TRIM10: variants seen among roughly 807,000 people sequenced by gnomAD.
The protein encoded by TRIM10 is tripartite motif containing 10.
A neutral mutation model predicts 40.0 loss-of-function variants in TRIM10; 42 were observed. That is an observed-to-expected ratio of 1.05 (90% CI 0.82 to 1.36). TRIM10 has a LOEUF of 1.36. Among genes scored for constraint, TRIM10 ranks in the 40% most tolerant of loss-of-function variants. The pLI is 0.00. For missense variants in TRIM10, 601 were observed against 608.3 expected (o/e 0.99, Z 0.13); for synonymous variants, 260 against 239.5 (o/e 1.09, Z -0.79).
Position 30,153,988 on chromosome 6 carries a change from C to T in TRIM10, c.1427G>A (p.Ser476Asn), listed in dbSNP as rs1772260461. ...TCCTTCTCAGGAGCTCAGGGAGAAA[C>T]TGGACCCTCGGCCCCAGAGCCCAAA... ...PFFGLWGRGS[S>N]FSLSS The change falls in exon 7 of 7, where the codon AGT (serine) becomes AAT (asparagine). Residue 476 changes from serine to asparagine, a missense_variant. Transcript: ENST00000449742. The T allele has an allele frequency of 1.9e-6, 3 of 1,603,378 alleles. No homozygotes were observed. The highest frequency in any genetic ancestry group is 2.6e-6 in the Non-Finnish European group (3 of 1,172,620).
At chr6:30,155,678 C>T (rs767323816) in intron 6 of TRIM10, 49 bp downstream of exon 6, 5 of 1,601,828 alleles carry the variant, frequency 3.1e-6, no homozygotes, top group Non-Finnish European at 4.3e-6. Context: ...AATTTTCTCT[C>T]CTTTCCGAGG....
In TRIM10 at chr6:30,160,817, G is replaced by T. The variant is rs1773026449; in HGVS notation, c.42C>A (p.Val14=). 1 of 1,613,280 alleles carries T rather than the reference G, an allele frequency of 6.2e-7. No individual in the cohort carries two copies. The highest frequency in any genetic ancestry group is 1.3e-5 in the African/African-American group (1 of 74,884). The change falls in exon 1 of 7, where the codon GTC becomes GTA. Residue 14 remains valine, a synonymous_variant. Coordinates refer to ENST00000449742, the MANE Select transcript of TRIM10 (RefSeq NM_006778.4). ...GGGTACCCTGACAGATGGGGCAGTT[G>T]ACTTCATCTGCCAGGCTGGTCACAG... ...AASVTSLADE[V]NCPICQGTLR...
chr6:30,153,893 G>A lies in TRIM10; in HGVS notation c.*76C>T. On this transcript the variant is annotated 3_prime_UTR_variant, in exon 7 of 7. Coordinates refer to ENST00000449742, the MANE Select transcript of TRIM10 (RefSeq NM_006778.4). ...TATTCCAAGTCATCCAGGTGATTCA[G>A]CCAGGGATCAAGTCCACATGGTACT... The A allele has an allele frequency of 1.3e-6, 2 of 1,586,834 alleles. No individual in the cohort carries two copies. Among genetic ancestry groups the A allele is most frequent in the Non-Finnish European group, 1.7e-6 (2 of 1,164,538 alleles).
Position 30,154,438 on chromosome 6 carries a change from G to A in TRIM10, c.977C>T (p.Ser326Phe), listed in dbSNP as rs150027722. 576 of 1,612,920 alleles carry A rather than the reference G, an allele frequency of 3.6e-4. 7 individuals are homozygous for A. In the East Asian group the frequency reaches 5.7e-3, roughly 16 times the overall value. ...PQTSHPKLLL[S>F]EDHQRAQFSY... is the part of the protein sequence containing the mutation. ...GAACTGAGCTCGCTGGTGGTCCTCG[G>A]ACAAGAGGAGCTTGGGGTGGGAAGT... The change falls in exon 7 of 7, where the codon TCC becomes TTC. Residue 326 changes from serine to phenylalanine, a missense_variant. Ser to Phe is a radical substitution (Grantham distance 155). Transcript: ENST00000449742.
chr6:30,154,393 G>A lies in TRIM10; in HGVS notation c.1022C>T (p.Ser341Leu), dbSNP rs1198588560. 6.2e-7 allele frequency: 1 copy of A among 1,612,990 alleles called. No individual in the cohort carries two copies. Among genetic ancestry groups the A allele is most frequent in the Admixed American group, 1.7e-5 (1 of 60,028 alleles). The change falls in exon 7 of 7, where the codon TCA becomes TTA. Residue 341 changes from serine (S) to leucine (L), a missense_variant. Transcript: ENST00000449742. ...GTCAAAACGTTGGGGGTTGTCTGGTGAGTTCTGCCATTTGTAGGAGAACTG... is the reference window on the plus strand; with the variant it reads ...GTCAAAACGTTGGGGGTTGTCTGGTAAGTTCTGCCATTTGTAGGAGAACTG... ...RAQFSYKWQN[S>L]PDNPQRFDRA...
At position 30,160,451 on chromosome 6, in the gene TRIM10, C is replaced by T; in HGVS notation, c.408G>A (p.Glu136=). The T allele has an allele frequency of 6.2e-7, 1 of 1,614,060 alleles. No individual in the cohort carries two copies. Among genetic ancestry groups the T allele is most frequent in the East Asian group, 2.2e-5 (1 of 44,884 alleles). ...CTACCCTATAGGGAGCCGCTGCATC[C>T]TCCAGGAAGCGCATGGTGTGGGTAG... The part of the protein sequence containing the change: ...EHATHTMRFL[E]DAAAPYREQI... The change falls in exon 1 of 7, where the codon GAG becomes GAA. Residue 136 remains glutamate, a synonymous_variant. Transcript: ENST00000449742.
At chr6:30,156,688 A>G (rs116784568) in intron 5 of TRIM10, 12,467 of 604,386 alleles carry the variant, frequency 0.021, 211 homozygotes, top group African/African-American at 0.047. Context: ...AATGACCACT[A>G]ATCAGATTTG....
chr6:30,153,491 T>C lies in TRIM10; in HGVS notation c.*478A>G. 1 of 576,084 alleles carries C rather than the reference T, an allele frequency of 1.7e-6. No individual in the cohort carries two copies. Among genetic ancestry groups the C allele is most frequent in the Non-Finnish European group, 3.1e-6 (1 of 325,464 alleles). 35.7% of individuals were successfully genotyped at this position (576,084 alleles called of 1,614,324 possible). A position where few individuals can be genotyped will look rare whatever the true frequency, so the allele number is the denominator to read the frequency against. On this transcript the variant is annotated 3_prime_UTR_variant, in exon 7 of 7. Transcript: ENST00000449742. The stretch of plus-strand genomic sequence containing the variant: ...TTTTTTTTTTCTCTATATTTTCAAG[T>C]CACCAGTGGCCACCACACTGCTTGG...
At chr6:30,159,507 G>A (rs1046603073) in intron 1 of TRIM10, among the ~76,000 whole-genome samples, 1 of 152,162 alleles carries the variant, frequency 6.6e-6, no homozygotes, top group African/African-American at 2.4e-5. Flanking sequence ...TCCCACTTGA[G>A]TCTTTCTTCA....
rs750351218 is a variant in TRIM10 at position 30,154,408 on chromosome 6, T to C, written c.1007A>G (p.Tyr336Cys). ...SEDHQRAQFS[Y>C]KWQNSPDNPQ... ...GTTGTCTGGTGAGTTCTGCCATTTG[T>C]AGGAGAACTGAGCTCGCTGGTGGTC... The change falls in exon 7 of 7, where the codon TAC (tyrosine) becomes TGC (cysteine). Residue 336 changes from tyrosine (Y) to cysteine (C), a missense_variant. Physicochemically the swap from Tyr to Cys is radical, Grantham distance 194 (BLOSUM62 -2). Coordinates refer to ENST00000449742, the MANE Select transcript of TRIM10 (RefSeq NM_006778.4). The C allele has an allele frequency of 3.7e-6, 6 of 1,612,958 alleles. No homozygotes were observed. Among genetic ancestry groups the C allele is most frequent in the Non-Finnish European group, 5.1e-6 (6 of 1,179,982 alleles).
At chr6:30,155,950 G>A (rs1772491607) in intron 5 of TRIM10, among the ~76,000 whole-genome samples, 191 bp from the exon 6 acceptor site, 1 of 152,186 alleles carries the variant, frequency 6.6e-6, no homozygotes, top group Non-Finnish European at 1.5e-5. Flanking sequence ...ATCTGTTTCA[G>A]ATTCAGGTGC....
In TRIM10 at chr6:30,161,022, G is replaced by T. The variant is rs1773050122; in HGVS notation, c.-164C>A. The T allele has an allele frequency of 4.3e-6, 3 of 700,518 alleles. No homozygotes were observed. The highest frequency in any genetic ancestry group is 7.0e-6 in the Non-Finnish European group (3 of 429,942). The allele number at this position is 700,518 out of a possible 1,614,324, so 43.4% of individuals were successfully genotyped here. ...TCGTCACACACTTGCATCTCTGGCA[G>T]CCAGGGTTCTATTCTCCTGCCAACA... On this transcript the variant is annotated 5_prime_UTR_variant, in exon 1 of 7. It adds an upstream start codon to the 5' untranslated region. Coordinates refer to ENST00000449742, the MANE Select transcript of TRIM10 (RefSeq NM_006778.4).
At position 30,155,771 on chromosome 6, in the gene TRIM10, A is replaced by G; in HGVS notation, c.896-12T>C. 6.2e-7 allele frequency: 1 copy of G among 1,612,414 alleles called. No homozygotes were observed. The highest frequency in any genetic ancestry group is 8.5e-7 in the Non-Finnish European group (1 of 1,179,626). On this transcript the variant is annotated splice_polypyrimidine_tract_variant and intron_variant, in intron 5 of 6. Transcript: ENST00000449742. ...AAAGCATAGTTTTTCTGTAAAGAAA[A>G]TAAACCAGGATGAGATTTTATTAGT...
rs935027046 is a variant in TRIM10 at position 30,152,294 on chromosome 6, G to C, written c.*1675C>G. The C allele has an allele frequency of 6.6e-6, 1 of 152,026 alleles. No homozygotes were observed. The highest frequency in any genetic ancestry group is 1.9e-4 in the East Asian group (1 of 5,186). The allele number at this position is 152,026 out of a possible 1,614,324, so 9.4% of individuals were successfully genotyped here. The stretch of plus-strand genomic sequence containing the variant: ...GATCTTCATACACATACATTTTAGA[G>C]GATAATAGTCCTTTCAAAAGACACA... On this transcript the variant is annotated 3_prime_UTR_variant, in exon 7 of 7. Transcript: ENST00000449742.
chr6:30,163,972 C>A, upstream of TRIM10: 1 of 1,613,138 alleles, frequency 6.2e-7, no homozygotes, highest in South Asian at 1.1e-5. Context: ...TCTGCGAGAA[C>A]GATGCCGAGT....
chr6:30,162,168 C>T (rs1197070240), upstream of TRIM10, among the ~76,000 whole-genome samples: 1 of 150,424 alleles, frequency 6.6e-6, no homozygotes, highest in Non-Finnish European at 1.5e-5. Context: ...CCCAGCTACT[C>T]GGGAGGCTGA....
At chr6:30,157,515 T>C in intron 3 of TRIM10, 124 bp from the exon 4 acceptor site, 1 of 1,038,146 alleles carries the variant, frequency 9.6e-7, no homozygotes, top group South Asian at 1.7e-5. Flanking sequence ...AGAAAGGGTC[T>C]CACTCTGGTG....
At position 30,154,367 on chromosome 6, in the gene TRIM10, G is replaced by A. The variant is rs146058085; in HGVS notation, c.1048C>T (p.Arg350Trp). ...NSPDNPQRFD[R>W]ATCVLAHTGI... Reference sequence around the variant, plus strand: ...GTGTGGGCCAGAACACAGGTGGCCCGGTCAAAACGTTGGGGGTTGTCTGGT... The same window carrying A: ...GTGTGGGCCAGAACACAGGTGGCCCAGTCAAAACGTTGGGGGTTGTCTGGT... The change falls in exon 7 of 7, where the codon CGG becomes TGG. Residue 350 changes from arginine to tryptophan, a missense_variant. Transcript: ENST00000449742. 3.7e-5 allele frequency: 59 copies of A among 1,612,928 alleles called. No individual in the cohort carries two copies. Among genetic ancestry groups the A allele is most frequent in the Middle Eastern group, 1.6e-4 (1 of 6,084 alleles).
chr6:30,160,401 C>G (rs1219543667), intron 1 of TRIM10, 29 bp downstream of exon 1: 3 of 1,600,554 alleles, frequency 1.9e-6, no homozygotes, highest in Non-Finnish European at 2.6e-6. Context: ...TCCAGTCCAC[C>G]CTGGGATCCC....
Sources: gnomAD v4.1 joint callset for allele counts (sites outside exome capture counted in the v4.1 genomes callset) on GRCh38, gnomAD v4.1.1 for gene constraint, MANE v1.5 for transcripts, NCBI Gene and HGNC (gene_info 2026-07-23, HGNC 2026-07-21) for gene names.